The following NAALADL2 variants were observed in gnomAD, a reference collection of about 807,000 sequenced individuals.
NAALADL2 encodes the protein inactive N-acetylated-alpha-linked acidic dipeptidase-like protein 2.
In NAALADL2, 76 loss-of-function variants were observed where a neutral mutation model predicts 87.2. That is an observed-to-expected ratio of 0.87 (90% CI 0.72 to 1.05). NAALADL2 has a LOEUF of 1.05. Ranked by LOEUF, NAALADL2 falls within the 50% of genes least tolerant of loss-of-function variation. The probability of loss-of-function intolerance (pLI) is 0.00; values close to 1 mark genes in which losing one functional copy is unlikely to be tolerated. For missense variants in NAALADL2, 1,089 were observed against 945.8 expected, an observed-to-expected ratio of 1.15 and a Z score of -1.99; for synonymous variants, 354 against 331.0, an observed-to-expected ratio of 1.07 and a Z score of -0.75.
intron 2 of NAALADL2, among the ~76,000 whole-genome samples, chr3:175,098,010 G>A (rs575153684): frequency 2.6e-5 from 4 of 152,154 alleles, no homozygotes; most frequent in South Asian, 2.1e-4. Context: ...GTGCATTTCC[G>A]GGAATTTTCT....
intron 2 of NAALADL2, among the ~76,000 whole-genome samples, chr3:174,616,681 A>G (rs1720492162): frequency 6.6e-6 from 1 of 151,914 alleles, no homozygotes; most frequent in Non-Finnish European, 1.5e-5. Context: ...CTATTTGGGA[A>G]CAGCTAAAAA....
In NAALADL2 at chr3:174,649,508, T is replaced by C. The variant is rs1724145298; in HGVS notation, c.-114-88133T>C. On this transcript the variant is annotated intron_variant, in intron 2 of 3. Transcript: ENST00000434257. ...TATTTTTGCTCTTCATTTTCAATAC[T>C]CTTCCTCTAGCCTATTTCCAATATT... is the stretch of plus-strand genomic sequence containing the variant. 2.6e-5 allele frequency among the ~76,000 whole-genome samples: 4 copies of C among 152,164 alleles called. No homozygotes were observed. In the South Asian group the frequency reaches 8.3e-4, roughly 32 times the overall value.
chr3:174,700,671 G>T (rs1729465427), intron 2 of NAALADL2, among the ~76,000 whole-genome samples: 1 of 152,156 alleles, frequency 6.6e-6, no homozygotes, highest in Non-Finnish European at 1.5e-5. Flanking sequence ...TGGCCACATT[G>T]TAGTTACATT....
At chr3:175,589,997 G>A (rs1399579325) in intron 10 of NAALADL2, among the ~76,000 whole-genome samples, 3 of 152,014 alleles carry the variant, frequency 2.0e-5, no homozygotes, top group African/African-American at 7.2e-5. Context: ...CGGGTCACGA[G>A]GTCAGGAGAT....
At chr3:175,666,105 A>G (rs1353284005) in intron 11 of NAALADL2, among the ~76,000 whole-genome samples, 8 of 152,182 alleles carry the variant, frequency 5.3e-5, no homozygotes, top group African/African-American at 1.9e-4. Context: ...AATAGAATCT[A>G]GATCTCCTGA....
At chr3:174,767,561 T>C (rs1713976411) in intron 3 of NAALADL2, among the ~76,000 whole-genome samples, 3 of 152,134 alleles carry the variant, frequency 2.0e-5, no homozygotes, top group African/African-American at 7.2e-5. Context: ...ACTGATGTTA[T>C]GACGCTCACA....
intron 11 of NAALADL2, among the ~76,000 whole-genome samples, chr3:175,666,200 G>C (rs1261214694): frequency 6.6e-6 from 1 of 151,888 alleles, no homozygotes; most frequent in African/African-American, 2.4e-5. Context: ...GCATTAAGTA[G>C]GGCATCAGAA....
intron 1 of NAALADL2, among the ~76,000 whole-genome samples, chr3:174,887,972 A>C (rs530284754): frequency 1.3e-5 from 2 of 152,334 alleles, no homozygotes; most frequent in East Asian, 3.9e-4. Context: ...GTTATAAAAA[A>C]TAATGAGGTC....
intron 1 of NAALADL2, among the ~76,000 whole-genome samples, chr3:175,013,015 A>AATATATAAAT (rs914375306): frequency 2.2e-5 from 3 of 133,606 alleles, no homozygotes; most frequent in East Asian, 4.1e-4. Context: ...GTACATATAT[A>AATATATAAAT]ATATATAAAT....
intron 3 of NAALADL2, among the ~76,000 whole-genome samples, chr3:174,830,119 AATTAG>A (rs1722493576): frequency 7.7e-6 from 1 of 129,190 alleles, no homozygotes; most frequent in Non-Finnish European, 1.6e-5. Context: ...TCTTTAGTTT[AATTAG>A]ATCCCATTTG....
intron 9 of NAALADL2, among the ~76,000 whole-genome samples, chr3:175,539,261 G>A (rs557116477): frequency 6.6e-6 from 1 of 152,180 alleles, no homozygotes; most frequent in African/African-American, 2.4e-5. Context: ...TTTTGATCAA[G>A]CAAAGCTAAA....
At chr3:175,037,440 C>T (rs1375694881) in intron 1 of NAALADL2, among the ~76,000 whole-genome samples, 1 of 152,156 alleles carries the variant, frequency 6.6e-6, no homozygotes, top group East Asian at 1.9e-4. Flanking sequence ...AGATAAATGG[C>T]TTTGTAGCAT....
intron 5 of NAALADL2, among the ~76,000 whole-genome samples, chr3:175,371,429 G>A (rs187634025): frequency 0.022 from 3,353 of 151,900 alleles, 63 homozygotes; most frequent in Non-Finnish European, 0.034. Context: ...CACCGCGCCC[G>A]GCTAATTTTT....
chr3:174,683,241 T>G (rs911337803), intron 2 of NAALADL2, among the ~76,000 whole-genome samples: 2 of 151,870 alleles, frequency 1.3e-5, no homozygotes, highest in African/African-American at 4.8e-5. Flanking sequence ...TAAAAAACAA[T>G]GAAGTGTGCC....
intron 9 of NAALADL2, among the ~76,000 whole-genome samples, chr3:175,472,088 G>A (rs1724989401): frequency 6.6e-6 from 1 of 151,022 alleles, no homozygotes; most frequent in Admixed American, 6.6e-5. Flanking sequence ...TTTATGATAA[G>A]CCTGGTTACT....
intron 3 of NAALADL2, among the ~76,000 whole-genome samples, chr3:175,256,021 T>A (rs1749877290): frequency 1.3e-5 from 2 of 152,254 alleles, no homozygotes; most frequent in Non-Finnish European, 1.5e-5. Context: ...CTTTGAATTT[T>A]CTTTCAAGCC....
intron 1 of NAALADL2, among the ~76,000 whole-genome samples, chr3:174,517,977 G>A (rs1157539230): frequency 1.3e-5 from 2 of 152,126 alleles, no homozygotes; most frequent in Non-Finnish European, 2.9e-5. Context: ...TGAAATAGAC[G>A]ACTGAAGTGT....
chr3:175,531,176 T>C (rs1734043483), intron 9 of NAALADL2, among the ~76,000 whole-genome samples: 1 of 152,092 alleles, frequency 6.6e-6, no homozygotes, highest in Non-Finnish European at 1.5e-5. Flanking sequence ...CACTCAAAAC[T>C]GGCAGCCTTT....
At chr3:175,710,643 A>C (rs1740402427) in intron 11 of NAALADL2, among the ~76,000 whole-genome samples, 2 of 151,540 alleles carry the variant, frequency 1.3e-5, no homozygotes, top group African/African-American at 4.8e-5. Context: ...TTAAATGCAC[A>C]ATGAGGGTAT....
Sources: allele counts gnomAD v4.1 joint callset (sites outside exome capture counted in the v4.1 genomes callset), GRCh38; gene constraint gnomAD v4.1.1; transcripts MANE v1.5; gene names NCBI Gene and HGNC (gene_info 2026-07-23, HGNC 2026-07-21).